VWA3B: variants seen among roughly 807,000 people sequenced by gnomAD.
The protein encoded by VWA3B is von Willebrand factor A domain-containing protein 3B.
In VWA3B, 138 loss-of-function variants were observed where a neutral mutation model predicts 158.3. The ratio of observed to expected loss-of-function variants is 0.87; its 90% CI spans 0.76 to 1.00. The LOEUF (loss-of-function observed/expected upper bound fraction) is 1.00, where lower values mean the gene tolerates loss of function less well. Ranked by LOEUF, VWA3B falls within the 50% of genes least tolerant of loss-of-function variation. The pLI is 0.00. For synonymous variants in VWA3B, 596 were observed against 587.3 expected (o/e 1.01, Z -0.21); for missense variants, 1,555 against 1,565.1 (o/e 0.99, Z 0.11).
intron 14 of VWA3B, among the ~76,000 whole-genome samples, chr2:98,219,388 C>T (rs1326579532): frequency 6.6e-6 from 1 of 152,014 alleles, no homozygotes; most frequent in African/African-American, 2.4e-5. Flanking sequence ...GCAATAGAAA[C>T]TATCCAAAAT....
chr2:98,246,985 A>G (rs1398934316), intron 19 of VWA3B, among the ~76,000 whole-genome samples: 4 of 151,952 alleles, frequency 2.6e-5, no homozygotes, highest in Non-Finnish European at 5.9e-5. Context: ...GATTGTTTTA[A>G]AAGTTTTAAT....
In VWA3B at chr2:98,303,833, A is replaced by G. The variant is rs776269140; in HGVS notation, c.3521+31A>G. 8.2e-6 allele frequency: 13 copies of G among 1,591,572 alleles called. No homozygotes were observed. In the South Asian group the frequency reaches 1.2e-4, roughly 15 times the overall value. On this transcript the variant is annotated intron_variant, in intron 26 of 27. Transcript: ENST00000477737. ...TGTACTCAACTTTTATCTCTTGAAT[A>G]TTAATTTATATCCTTGCACCTTTAA... is the stretch of plus-strand genomic sequence containing the variant.
intron 16 of VWA3B, among the ~76,000 whole-genome samples, chr2:98,233,311 G>A (rs1202469185): frequency 9.2e-5 from 14 of 152,208 alleles, no homozygotes; most frequent in Admixed American, 9.2e-4. Flanking sequence ...CAGAGTCCGG[G>A]GAGGGGCTAA....
intron 25 of VWA3B, among the ~76,000 whole-genome samples, chr2:98,302,079 C>A (rs1690233827): frequency 6.6e-6 from 1 of 152,160 alleles, no homozygotes; most frequent in Admixed American, 6.5e-5. Flanking sequence ...GCCCCCAGGA[C>A]CCCAGTGTGG....
intron 19 of VWA3B, among the ~76,000 whole-genome samples, chr2:98,238,182 G>A (rs1383677659): frequency 1.3e-5 from 2 of 152,176 alleles, no homozygotes; most frequent in Admixed American, 6.5e-5. Context: ...CTGCCTGCTG[G>A]TTTGGGATGA....
At chr2:98,111,191 G>A (rs902965181) in intron 2 of VWA3B, among the ~76,000 whole-genome samples, 3 of 152,140 alleles carry the variant, frequency 2.0e-5, no homozygotes, top group African/African-American at 7.2e-5. Context: ...GTGAGAAGAT[G>A]TAGTTTTTCA....
intron 6 of VWA3B, among the ~76,000 whole-genome samples, chr2:98,129,123 G>T (rs1675614085): frequency 6.6e-6 from 1 of 152,260 alleles, no homozygotes; most frequent in South Asian, 2.1e-4. Flanking sequence ...TCGGTTTCTG[G>T]TGAGGTCTCT....
intron 7 of VWA3B, among the ~76,000 whole-genome samples, chr2:98,143,752 C>CTTTT (rs534351736): frequency 3.1e-5 from 4 of 130,950 alleles, no homozygotes; most frequent in Non-Finnish European, 4.9e-5. Context: ...CTTTTCTTTT[C>CTTTT]TTTTTTTTTT....
At chr2:98,116,716 G>T (rs936890270) in intron 3 of VWA3B, among the ~76,000 whole-genome samples, 24 of 152,142 alleles carry the variant, frequency 1.6e-4, no homozygotes, top group African/African-American at 5.8e-4. Flanking sequence ...ATGTTGCCCA[G>T]GTTGGTCTTG....
chr2:98,218,419 A>C (rs77998336), intron 14 of VWA3B, among the ~76,000 whole-genome samples: 7,200 of 152,308 alleles, frequency 0.047, 258 homozygotes, highest in Middle Eastern at 0.082. Flanking sequence ...CAATATTTTG[A>C]CAAACTTTAG....
chr2:98,144,191 G>A (rs955294145), intron 7 of VWA3B, among the ~76,000 whole-genome samples: 9 of 152,138 alleles, frequency 5.9e-5, no homozygotes, highest in African/African-American at 2.2e-4. Flanking sequence ...GGTTATATGT[G>A]TATACATGCA....
intron 7 of VWA3B, among the ~76,000 whole-genome samples, chr2:98,144,289 A>G (rs1677005972): frequency 6.6e-6 from 1 of 152,130 alleles, no homozygotes; most frequent in Non-Finnish European, 1.5e-5. Context: ...AACCATCATC[A>G]TTTGCAGTTA....
intron 12 of VWA3B, among the ~76,000 whole-genome samples, chr2:98,209,988 T>C (rs2105533761): frequency 6.6e-6 from 1 of 152,316 alleles, no homozygotes; most frequent in South Asian, 2.1e-4. Flanking sequence ...TGTTTGGTGC[T>C]GTCTGCAGGG....
intron 7 of VWA3B, 44 bp from the exon 8 acceptor site, chr2:98,162,807 G>T: frequency 6.2e-7 from 1 of 1,608,018 alleles, no homozygotes. Context: ...CCACATTCCT[G>T]GGCCTGTCTC....
intron 12 of VWA3B, chr2:98,206,605 T>C: frequency 2.3e-6 from 1 of 441,830 alleles, no homozygotes. Context: ...AGCCTATTGA[T>C]GAAAGCGGTC....
intron 23 of VWA3B, among the ~76,000 whole-genome samples, chr2:98,292,559 G>A (rs1689561625): frequency 6.6e-6 from 1 of 152,142 alleles, no homozygotes; most frequent in Non-Finnish European, 1.5e-5. Context: ...TCTCTGGGGT[G>A]CAGATTTTCT....
chr2:98,296,923 A>C (rs1462868094), intron 23 of VWA3B, among the ~76,000 whole-genome samples: 1 of 150,622 alleles, frequency 6.6e-6, no homozygotes, highest in Non-Finnish European at 1.5e-5. Flanking sequence ...ATTAAATAAT[A>C]TATATGTTTG....
intron 19 of VWA3B, among the ~76,000 whole-genome samples, chr2:98,248,877 T>TTCTC (rs1686603215): frequency 1.8e-5 from 1 of 56,362 alleles, no homozygotes; most frequent in African/African-American, 7.0e-5. Flanking sequence ...CTTTCTTTCT[T>TTCTC]TCTTTCTCTC....
intron 13 of VWA3B, chr2:98,216,858 C>A: frequency 9.5e-7 from 1 of 1,047,526 alleles, no homozygotes; most frequent in Non-Finnish European, 1.3e-6. Flanking sequence ...TGCCCTAGGC[C>A]ATTCAGATGG....
Sources: allele counts gnomAD v4.1 joint callset (sites outside exome capture counted in the v4.1 genomes callset), GRCh38; gene constraint gnomAD v4.1.1; transcripts MANE v1.5; gene names NCBI Gene and HGNC (gene_info 2026-07-23, HGNC 2026-07-21).